Variants in LURAP1 observed in about 807,000 individuals in gnomAD.
The protein encoded by LURAP1 is NF-kappa-B activator C1orf190.
Under a neutral mutation model 19.0 loss-of-function variants are expected in LURAP1, and 14 were observed. The observed-to-expected ratio is 0.74, with a 90% CI of 0.49 to 1.15. The LOEUF is 1.15. LURAP1 is among the 50% of genes most tolerant of loss of function. LURAP1 has a pLI of 0.00. For synonymous variants in LURAP1, 129 were observed against 131.8 expected, an observed-to-expected ratio of 0.98 and a Z score of 0.14; for missense variants, 273 against 309.1, an observed-to-expected ratio of 0.88 and a Z score of 0.87.
chr1:46,205,748 C>T (rs1658691024), intron 1 of LURAP1, among the ~76,000 whole-genome samples: 1 of 152,228 alleles, frequency 6.6e-6, no homozygotes, highest in Non-Finnish European at 1.5e-5. Flanking sequence ...GATCCCCATC[C>T]TATTTTTTCT....
In LURAP1 at chr1:46,204,551, G is replaced by A. The variant is rs549895023; in HGVS notation, c.198+927G>A. The stretch of plus-strand genomic sequence containing the variant: ...TAAAGTCTTCCTGTGTGCCCAGCCT[G>A]TGCCAAGCTGGTCTGTGAAGGAGAA... On this transcript the variant is annotated intron_variant, in intron 1 of 1. Transcript: ENST00000371980. 2.0e-5 allele frequency among the ~76,000 whole-genome samples: 3 copies of A among 152,326 alleles called. No individual in the cohort carries two copies. The East Asian group carries it at 5.8e-4, about 29-fold the overall frequency.
rs750092774 is a variant in LURAP1, at chr1:46,203,507, G to A, written c.81G>A (p.Leu27=). Residue 27 remains leucine, a synonymous_variant, in exon 1 of 2, where the codon CTG becomes CTA. Coordinates refer to ENST00000371980, the MANE Select transcript of LURAP1 (RefSeq NM_001013615.3). ...GKVGRKTPEG[L]LRGLRGECEL... is the part of the protein sequence containing the mutation. ...TGGGCAGGAAGACCCCTGAAGGGCT[G>A]CTCCGCGGGCTGCGAGGCGAGTGTG... The A allele has an allele frequency of 1.3e-6, 2 of 1,559,058 alleles. No homozygotes were observed. Among genetic ancestry groups the A allele is most frequent in the Non-Finnish European group, 1.7e-6 (2 of 1,154,430 alleles).
At chr1:46,212,516 C>T (rs914649647) in intron 1 of LURAP1, among the ~76,000 whole-genome samples, 5 of 151,730 alleles carry the variant, frequency 3.3e-5, no homozygotes, top group Non-Finnish European at 5.9e-5. Flanking sequence ...CTCCTGACCT[C>T]GTGATCCGCC....
At position 46,221,102 on chromosome 1, in the gene LURAP1, C is replaced by A. The variant is rs2148257808; in HGVS notation, c.*882C>A. The A allele has an allele frequency of 6.6e-6, 1 of 152,306 alleles. No individual in the cohort carries two copies. The highest frequency in any genetic ancestry group is 1.9e-4 in the East Asian group (1 of 5,190). 9.4% of individuals were successfully genotyped at this position (152,306 alleles called of 1,614,324 possible). On this transcript the variant is annotated 3_prime_UTR_variant, in exon 2 of 2. Transcript: ENST00000371980. ...AGTAGGTCATATAGGGGCATCTGAG[C>A]CCCTGCTGCTAAGTGAGATCACATT...
chr1:46,211,044 T>C (rs572850537), intron 1 of LURAP1, among the ~76,000 whole-genome samples: 156 of 149,214 alleles, frequency 1.0e-3, no homozygotes, highest in African/African-American at 3.8e-3. Context: ...TCCCCTAGAG[T>C]GTTGGGATTA....
intron 1 of LURAP1, among the ~76,000 whole-genome samples, chr1:46,218,207 C>T (rs900218582): frequency 6.6e-6 from 1 of 152,112 alleles, no homozygotes; most frequent in Non-Finnish European, 1.5e-5. Flanking sequence ...ACCTGGGCAA[C>T]AAGGTGAGAC....
Position 46,220,151 on chromosome 1 carries a change from G to A in LURAP1, c.651G>A (p.Glu217=), listed in dbSNP as rs757214874. 1 of 1,614,182 alleles carries A rather than the reference G, an allele frequency of 6.2e-7. No homozygotes were observed. The highest frequency in any genetic ancestry group is 8.5e-7 in the Non-Finnish European group (1 of 1,180,032). The change falls in exon 2 of 2, where the codon GAG becomes GAA. Residue 217 remains glutamate (E), a synonymous_variant. Coordinates refer to ENST00000371980, the MANE Select transcript of LURAP1 (RefSeq NM_001013615.3). The part of the protein sequence containing the change: ...QGGPPESPED[E]SAKLGFEAHW... ...GACCACCTGAGTCACCAGAGGATGA[G>A]AGTGCCAAGCTGGGCTTCGAGGCCC...
At chr1:46,216,043 C>CTTTTTTTTTTTTTTT (rs141982741) in intron 1 of LURAP1, among the ~76,000 whole-genome samples, 35 of 92,540 alleles carry the variant, frequency 3.8e-4, no homozygotes, top group African/African-American at 6.0e-4. Context: ...TTTATTTTAT[C>CTTTTTTTTTTTTTTT]TTTTTTTTTT....
intron 1 of LURAP1, among the ~76,000 whole-genome samples, chr1:46,212,841 G>A (rs906045434): frequency 6.6e-6 from 1 of 151,918 alleles, no homozygotes; most frequent in Non-Finnish European, 1.5e-5. Context: ...CTCACTGCAA[G>A]CTCCACCTCC....
chr1:46,203,729 C>G, intron 1 of LURAP1, 105 bp downstream of exon 1: 1 of 1,078,142 alleles, frequency 9.3e-7, no homozygotes, highest in Non-Finnish European at 1.3e-6. Context: ...AGTTAAAACT[C>G]TCCACCTAAC....
rs763865694 is a variant in LURAP1, at chr1:46,220,255, T to G, written c.*35T>G. 51 of 1,557,530 alleles carry G rather than the reference T, an allele frequency of 3.3e-5. No individual in the cohort carries two copies. The highest frequency in any genetic ancestry group is 4.4e-5 in the Non-Finnish European group (51 of 1,152,634). ...CACCCTTTTGTAATCCTGTGGCTCT[T>G]TTATCCATTAGATGTGGTCTCCCCC... On this transcript the variant is annotated 3_prime_UTR_variant, in exon 2 of 2. Transcript: ENST00000371980.
In LURAP1 at chr1:46,219,692, C is replaced by T. The variant is rs749786411; in HGVS notation, c.199-7C>T. The T allele has an allele frequency of 5.1e-6, 8 of 1,573,034 alleles. No individual in the cohort carries two copies. Among genetic ancestry groups the T allele is most frequent in the Non-Finnish European group, 6.9e-6 (8 of 1,158,676 alleles). On this transcript the variant is annotated splice_polypyrimidine_tract_variant and splice_region_variant and intron_variant, in intron 1 of 1. Coordinates refer to ENST00000371980, the MANE Select transcript of LURAP1 (RefSeq NM_001013615.3). ...ACTGGGACTAATTCCTTCTCCCACT[C>T]CCCCAGGCTTACCTGCGAGCCATCG... is the stretch of plus-strand genomic sequence containing the variant.
Position 46,203,394 on chromosome 1 carries a change from C to T in LURAP1, c.-33C>T, listed in dbSNP as rs1401959931. The T allele has an allele frequency of 5.6e-6, 8 of 1,432,010 alleles. No individual in the cohort carries two copies. The highest frequency in any genetic ancestry group is 7.3e-6 in the Non-Finnish European group (8 of 1,089,222). The allele number at this position is 1,432,010 out of a possible 1,614,324, so 88.7% of individuals were successfully genotyped here. On this transcript the variant is annotated 5_prime_UTR_variant, in exon 1 of 2. Transcript: ENST00000371980. ...CCCCCGGGAGCCGGTCCCCGGCGTC[C>T]GGTCGCCCAGCCCTTTTCAGGCTTG...
intron 1 of LURAP1, among the ~76,000 whole-genome samples, chr1:46,216,131 C>T (rs1382089534): frequency 7.2e-6 from 1 of 139,272 alleles, no homozygotes; most frequent in Non-Finnish European, 1.5e-5. Flanking sequence ...ACTGCAGGCT[C>T]CGCCCCCCAG....
In LURAP1 at chr1:46,220,196, C is replaced by G. The variant is rs1043455009; in HGVS notation, c.696C>G (p.Cys232Trp). Residue 232 changes from cysteine to tryptophan, a missense_variant, in exon 2 of 2, where the codon TGC becomes TGG. Physicochemically the swap from Cys to Trp is radical, Grantham distance 215. Transcript: ENST00000371980. ...GFEAHWFWEQCQDDVTFL is the reference protein window; with the variant it reads ...GFEAHWFWEQWQDDVTFL ...AGGCCCACTGGTTCTGGGAGCAGTG[C>G]CAGGATGATGTGACCTTCTTGTAAC... 7 of 1,611,094 alleles carry G rather than the reference C, an allele frequency of 4.3e-6. No homozygotes were observed. The highest frequency in any genetic ancestry group is 5.9e-6 in the Non-Finnish European group (7 of 1,178,244).
At chr1:46,211,755 A>G (rs1038342052) in intron 1 of LURAP1, among the ~76,000 whole-genome samples, 2 of 152,212 alleles carry the variant, frequency 1.3e-5, no homozygotes, top group East Asian at 1.9e-4. Context: ...AATTTTCTCA[A>G]TGTACAAATA....
intron 1 of LURAP1, among the ~76,000 whole-genome samples, chr1:46,207,505 A>G (rs1282824175): frequency 6.6e-6 from 1 of 151,290 alleles, no homozygotes; most frequent in East Asian, 1.9e-4. Context: ...TGTTTCCACT[A>G]GCGTTTGCCA....
chr1:46,219,716 C>G lies in LURAP1; in HGVS notation c.216C>G (p.Ile72Met). ...TCCCCCAGGCTTACCTGCGAGCCATCGATGTGAAGATCCTGCAGCAGCTGG... is the reference window on the plus strand; with the variant it reads ...TCCCCCAGGCTTACCTGCGAGCCATGGATGTGAAGATCCTGCAGCAGCTGG... ...LKMELAYLRA[I>M]DVKILQQLVT... is the part of the protein sequence containing the mutation. Residue 72 changes from isoleucine (I) to methionine (M), a missense_variant, in exon 2 of 2, where the codon ATC (isoleucine) becomes ATG (methionine). Coordinates refer to ENST00000371980, the MANE Select transcript of LURAP1 (RefSeq NM_001013615.3). 1 of 1,596,410 alleles carries G rather than the reference C, an allele frequency of 6.3e-7. No individual in the cohort carries two copies.
intron 1 of LURAP1, among the ~76,000 whole-genome samples, chr1:46,206,716 A>G (rs996676918): frequency 8.5e-5 from 13 of 152,292 alleles, no homozygotes; most frequent in African/African-American, 3.1e-4. Context: ...TTTCCCAGCA[A>G]CACACTACAA....
Sources: allele counts gnomAD v4.1 joint callset (sites outside exome capture counted in the v4.1 genomes callset), GRCh38; gene constraint gnomAD v4.1.1; transcripts MANE v1.5; gene names NCBI Gene and HGNC (gene_info 2026-07-23, HGNC 2026-07-21).